PEX2: variants seen among roughly 807,000 people sequenced by gnomAD.
The protein encoded by PEX2 is peroxisomal biogenesis factor 2.
PEX2 carries 19 observed loss-of-function variants against 25.2 expected under a neutral mutation model. The observed-to-expected ratio is 0.75, with a 90% CI of 0.53 to 1.10. The LOEUF (loss-of-function observed/expected upper bound fraction) is 1.10, where lower values mean the gene tolerates loss of function less well. Ranked by LOEUF, PEX2 falls within the 50% of genes least tolerant of loss-of-function variation. PEX2 has a pLI of 0.00. For missense variants in PEX2, 347 were observed against 350.6 expected (o/e 0.99, Z 0.08); for synonymous variants, 141 against 127.7 (o/e 1.10, Z -0.70).
chr8:76,999,359 A>C (rs576601953), intron 1 of PEX2, among the ~76,000 whole-genome samples: 3 of 151,818 alleles, frequency 2.0e-5, no homozygotes, highest in African/African-American at 7.3e-5. Flanking sequence ...TACCTCAATA[A>C]ATAAACAAAC....
At chr8:77,000,649 T>C (rs1807485230), upstream of PEX2, among the ~76,000 whole-genome samples, 1 of 152,124 alleles carries the variant, frequency 6.6e-6, no homozygotes, top group East Asian at 1.9e-4. Flanking sequence ...GGATAGGCTG[T>C]TTATCTCTGC....
At chr8:76,996,934 C>G (rs978462344) in intron 1 of PEX2, among the ~76,000 whole-genome samples, 6 of 152,130 alleles carry the variant, frequency 3.9e-5, no homozygotes, top group African/African-American at 1.4e-4. Context: ...TGGTAAACAT[C>G]AGAAAAACTG....
In PEX2 at chr8:76,983,116, A is replaced by C; in HGVS notation, c.*145T>G. 1.3e-6 allele frequency: 2 copies of C among 1,517,188 alleles called. No individual in the cohort carries two copies. Among genetic ancestry groups the C allele is most frequent in the Non-Finnish European group, 1.8e-6 (2 of 1,137,048 alleles). 94.0% of individuals were successfully genotyped at this position (1,517,188 alleles called of 1,614,324 possible). On this transcript the variant is annotated 3_prime_UTR_variant, in exon 4 of 4. Coordinates refer to ENST00000357039, the MANE Select transcript of PEX2 (RefSeq NM_000318.3). ...TAGAATCACATGGTTTCCAGTGATT[A>C]GATTTCAGTCATGCCTGGAAAGGAG...
At chr8:76,984,401 CT>C (rs1253685522) in intron 3 of PEX2, among the ~76,000 whole-genome samples, 2 of 152,126 alleles carry the variant, frequency 1.3e-5, no homozygotes, top group Admixed American at 1.3e-4. Context: ...CTCCCCCTGC[CT>C]TTTTTTCTTA....
intron 3 of PEX2, among the ~76,000 whole-genome samples, chr8:76,985,175 CA>C (rs34238954): frequency 0.53 from 73,730 of 138,474 alleles, 19,346 homozygotes; most frequent in Admixed American, 0.62. Context: ...CCACCCATGA[CA>C]AAAAAAAAAA....
rs1806848173 is a variant in PEX2, at chr8:76,982,158, A to T, written c.*1103T>A. On this transcript the variant is annotated 3_prime_UTR_variant, in exon 4 of 4. Coordinates refer to ENST00000357039, the MANE Select transcript of PEX2 (RefSeq NM_000318.3). ...ACGAGATAATTCAATGTTCAAGCTA[A>T]TAATTCTATACCATTTTAAGAGTCT... 6.6e-6 allele frequency: 1 copy of T among 152,250 alleles called. No individual in the cohort carries two copies. The highest frequency in any genetic ancestry group is 2.4e-5 in the African/African-American group (1 of 41,468). The allele number at this position is 152,250 out of a possible 1,614,324, so 9.4% of individuals were successfully genotyped here. A position where few individuals can be genotyped will look rare whatever the true frequency, so the allele number is the denominator to read the frequency against.
At chr8:76,992,189 A>G (rs1375348036) in intron 1 of PEX2, among the ~76,000 whole-genome samples, 1 of 152,184 alleles carries the variant, frequency 6.6e-6, no homozygotes, top group East Asian at 1.9e-4. Context: ...AAAGGATATG[A>G]CACAGTGTGG....
chr8:76,999,705 C>A (rs1186948476), intron 1 of PEX2: 8 of 373,096 alleles, frequency 2.1e-5, no homozygotes, highest in Non-Finnish European at 3.7e-5. Context: ...TTTCGAAGTT[C>A]GTCTCTTAAG....
In PEX2 at chr8:76,984,132, C is replaced by A; in HGVS notation, c.47G>T (p.Arg16Ile). The A allele has an allele frequency of 6.2e-7, 1 of 1,614,090 alleles. No individual in the cohort carries two copies. The highest frequency in any genetic ancestry group is 8.5e-7 in the Non-Finnish European group (1 of 1,180,000). The change falls in exon 4 of 4, where the codon AGA becomes ATA. Residue 16 changes from arginine to isoleucine, a missense_variant. Physicochemically the swap from Arg to Ile is moderately conservative, Grantham distance 97. Coordinates refer to ENST00000357039, the MANE Select transcript of PEX2 (RefSeq NM_000318.3). ...TTCAAGTGCATCCAACTGGCTTATT[C>A]TTAGCACTCTGTTTGCACTCTTCGC... Reference protein sequence around the residue: ...ENAKSANRVLRISQLDALELN... With the variant: ...ENAKSANRVLIISQLDALELN...
In PEX2 at chr8:76,980,661, T is replaced by C. The variant is rs1806791344; in HGVS notation, c.*2600A>G. The stretch of plus-strand genomic sequence containing the variant: ...TAGCTGTAACTATTAGGCAAGAGTA[T>C]CTCATGCCAGTGGGATCAGAAAGCT... On this transcript the variant is annotated 3_prime_UTR_variant, in exon 4 of 4. Transcript: ENST00000357039. 6.6e-6 allele frequency: 1 copy of C among 152,254 alleles called. No individual in the cohort carries two copies. The allele number at this position is 152,254 out of a possible 1,614,324, so 9.4% of individuals were successfully genotyped here.
Position 76,980,495 on chromosome 8 carries a change from T to C in PEX2, c.*2766A>G, listed in dbSNP as rs889811144. 9 of 152,206 alleles carry C rather than the reference T, an allele frequency of 5.9e-5. No homozygotes were observed. Among genetic ancestry groups the C allele is most frequent in the African/African-American group, 1.9e-4 (8 of 41,436 alleles). The allele number at this position is 152,206 out of a possible 1,614,324, so 9.4% of individuals were successfully genotyped here. A position where few individuals can be genotyped will look rare whatever the true frequency, so the allele number is the denominator to read the frequency against. ...TGAACGGCCTCCTCCAGGACTCCTT[T>C]AGGTTCATGTGGTATATGGGAGGAG... On this transcript the variant is annotated 3_prime_UTR_variant, in exon 4 of 4. Transcript: ENST00000357039.
rs1183319644 is a variant in PEX2, at chr8:76,981,543, G to A, written c.*1718C>T. 1 of 152,112 alleles carries A rather than the reference G, an allele frequency of 6.6e-6. No homozygotes were observed. Among genetic ancestry groups the A allele is most frequent in the East Asian group, 1.9e-4 (1 of 5,192 alleles). The allele number at this position is 152,112 out of a possible 1,614,324, so 9.4% of individuals were successfully genotyped here. A position where few individuals can be genotyped will look rare whatever the true frequency, so the allele number is the denominator to read the frequency against. The stretch of plus-strand genomic sequence containing the variant: ...TTTAGAAACGAACTCAAACTCCTGG[G>A]CTCAGCCTCCCTAAGTAGGGAGCCT... On this transcript the variant is annotated 3_prime_UTR_variant, in exon 4 of 4. Transcript: ENST00000357039.
intron 1 of PEX2, among the ~76,000 whole-genome samples, chr8:76,989,276 T>G (rs113698939): frequency 2.6e-5 from 4 of 152,182 alleles, no homozygotes; most frequent in Non-Finnish European, 5.9e-5. Flanking sequence ...ACTCTAATTA[T>G]AGCTCTCTTA....
chr8:76,989,700 G>T (rs1807109551), intron 1 of PEX2, among the ~76,000 whole-genome samples: 2 of 152,060 alleles, frequency 1.3e-5, no homozygotes, highest in Admixed American at 6.5e-5. Flanking sequence ...AATTTTTTTT[G>T]AACAAGTCTC....
At chr8:77,000,367 A>T, upstream of PEX2, 1 of 201,104 alleles carries the variant, frequency 5.0e-6, no homozygotes, top group Non-Finnish European at 1.0e-5. Context: ...AAGTGAGGAC[A>T]CTACAAGTGT....
intron 1 of PEX2, among the ~76,000 whole-genome samples, chr8:76,997,318 T>A (rs142908820): frequency 6.6e-5 from 10 of 152,238 alleles, no homozygotes; most frequent in African/African-American, 1.9e-4. Flanking sequence ...CATCTAACAC[T>A]AAAAGACAAG....
chr8:76,989,795 C>T (rs1459612796), intron 1 of PEX2, among the ~76,000 whole-genome samples: 1 of 152,054 alleles, frequency 6.6e-6, no homozygotes, highest in East Asian at 1.9e-4. Flanking sequence ...TTATAAAGTA[C>T]AGGCAGAGTA....
chr8:76,985,336 A>C (rs1219443758), intron 3 of PEX2, among the ~76,000 whole-genome samples: 1 of 152,280 alleles, frequency 6.6e-6, no homozygotes, highest in Non-Finnish European at 1.5e-5. Flanking sequence ...GATATTAGTC[A>C]AAGGGTGCAA....
intron 2 of PEX2, among the ~76,000 whole-genome samples, chr8:76,987,491 A>G (rs1440319089): frequency 6.6e-6 from 1 of 152,166 alleles, no homozygotes. Flanking sequence ...CAAGCTGAGG[A>G]GGCTGTATTT....
Sources: allele counts gnomAD v4.1 joint callset (sites outside exome capture counted in the v4.1 genomes callset), GRCh38; gene constraint gnomAD v4.1.1; transcripts MANE v1.5; gene names NCBI Gene and HGNC (gene_info 2026-07-23, HGNC 2026-07-21).